The following TNRC18 variants were observed in gnomAD, a reference collection of about 807,000 sequenced individuals.
The protein encoded by TNRC18 is trinucleotide repeat containing 18.
In TNRC18, 69 loss-of-function variants were observed where a neutral mutation model predicts 226.7. That is an observed-to-expected ratio of 0.30 (90% CI 0.25 to 0.37). The LOEUF is 0.37. TNRC18 is among the 10% of genes least tolerant of loss of function. The probability of loss-of-function intolerance (pLI) is 1.00; values close to 1 mark genes in which losing one functional copy is unlikely to be tolerated. For missense variants in TNRC18, 4,754 were observed against 4,256.6 expected, an observed-to-expected ratio of 1.12 and a Z score of -3.25; for synonymous variants, 2,449 against 1,927.6, an observed-to-expected ratio of 1.27 and a Z score of -7.09.
chr7:5,327,357 ATGTG>A (rs1199087536), intron 19 of TNRC18, among the ~76,000 whole-genome samples: 1 of 147,910 alleles, frequency 6.8e-6, no homozygotes, highest in South Asian at 2.2e-4. Context: ...AAAAATATAT[ATGTG>A]TGTGTTTGTG....
Position 5,350,183 on chromosome 7 carries a change from C to T in TNRC18, c.5470+1636G>A, listed in dbSNP as rs184440897. On this transcript the variant is annotated intron_variant, in intron 17 of 29. Coordinates refer to ENST00000430969, the MANE Select transcript of TNRC18 (RefSeq NM_001080495.3). The stretch of plus-strand genomic sequence containing the variant: ...ATCGTAAACTAACCCAGCTCATCCA[C>T]GGACAGCCCGGGCAGGGGGAGGCCT... Among the ~76,000 whole-genome samples the T allele has an allele frequency of 3.1e-3, 477 of 151,812 alleles. 1 individual carries two copies. Among genetic ancestry groups the T allele is most frequent in the Non-Finnish European group, 5.3e-3 (362 of 67,910 alleles).
rs571664429 is a variant in TNRC18, at chr7:5,313,561, C to T, written c.7330G>A (p.Glu2444Lys). The T allele has an allele frequency of 2.6e-5, 42 of 1,605,646 alleles. No individual in the cohort carries two copies. In the South Asian group the frequency reaches 3.8e-4, roughly 14 times the overall value. ...RPKPKKARAAEESGAKGPRRP... is the reference protein window; with the variant it reads ...RPKPKKARAAKESGAKGPRRP... ...CGAGGGCCCTTGGCACCCGACTCCT[C>T]GGCTGCCCGCGCCTTCTTGGGCTTG... The change falls in exon 27 of 30, where the codon GAG becomes AAG. Residue 2444 changes from glutamate (E) to lysine (K), a missense_variant. Glu to Lys is a moderately conservative substitution (Grantham distance 56). Transcript: ENST00000430969.
chr7:5,363,576 C>T (rs1793303689), intron 11 of TNRC18, among the ~76,000 whole-genome samples: 1 of 152,060 alleles, frequency 6.6e-6, no homozygotes, highest in South Asian at 2.1e-4. Context: ...TGCACTCCAG[C>T]CTGGGTGACA....
chr7:5,329,678 G>A (rs1237523754), intron 19 of TNRC18, among the ~76,000 whole-genome samples: 6 of 59,178 alleles, frequency 1.0e-4, no homozygotes, highest in African/African-American at 2.7e-4. Flanking sequence ...GTGAGACTCC[G>A]TCTCAAAAAA....
At chr7:5,419,119 C>CTGGGCTTCCGAGGCTGGTGGCT (rs1309356487) in intron 2 of TNRC18, among the ~76,000 whole-genome samples, 1 of 152,256 alleles carries the variant, frequency 6.6e-6, no homozygotes, top group Admixed American at 6.5e-5. Flanking sequence ...CTACCTCCCG[C>CTGGGCTTCCGAGGCTGGTGGCT]TGGGCTTCCG....
intron 11 of TNRC18, among the ~76,000 whole-genome samples, chr7:5,366,318 CTTTTTTTTTT>C (rs202053648): frequency 1.4e-5 from 1 of 70,464 alleles, no homozygotes; most frequent in African/African-American, 6.3e-5. Flanking sequence ...CTTCTTATAT[CTTTTTTTTTT>C]TTTTTTTTTT....
intron 21 of TNRC18, 26 bp from the exon 22 acceptor site, chr7:5,321,216 G>C (rs1254132851): frequency 2.0e-6 from 3 of 1,501,764 alleles, no homozygotes; most frequent in African/African-American, 1.4e-5. Flanking sequence ...CGTGAGGCGA[G>C]GCTGGAGCCG....
chr7:5,372,626 G>A (rs1308332623), intron 10 of TNRC18, among the ~76,000 whole-genome samples: 26 of 152,162 alleles, frequency 1.7e-4, no homozygotes, highest in Admixed American at 1.4e-3. Context: ...AAGGTGGAAA[G>A]ATCACTTGAA....
intron 2 of TNRC18, among the ~76,000 whole-genome samples, chr7:5,409,079 G>T (rs974173396): frequency 6.6e-6 from 1 of 152,170 alleles, no homozygotes; most frequent in African/African-American, 2.4e-5. Flanking sequence ...AACAAGGAAA[G>T]ATCTTTTTAC....
intron 2 of TNRC18, among the ~76,000 whole-genome samples, chr7:5,396,782 CAGG>C (rs1424233315): frequency 2.6e-5 from 4 of 152,114 alleles, no homozygotes; most frequent in Non-Finnish European, 4.4e-5. Flanking sequence ...TGTGGCTTTG[CAGG>C]AGATGTGGGC....
intron 17 of TNRC18, among the ~76,000 whole-genome samples, chr7:5,346,075 G>A (rs931886124): frequency 3.9e-5 from 6 of 152,266 alleles, no homozygotes; most frequent in African/African-American, 1.4e-4. Context: ...GCTTCTGTGA[G>A]GGGCACCAAC....
intron 19 of TNRC18, among the ~76,000 whole-genome samples, chr7:5,331,306 G>C (rs1402805765): frequency 6.6e-6 from 1 of 152,154 alleles, no homozygotes; most frequent in Non-Finnish European, 1.5e-5. Context: ...CTGGCCCTCA[G>C]CTTCCTAGTG....
intron 2 of TNRC18, among the ~76,000 whole-genome samples, chr7:5,402,103 C>T (rs1241272095): frequency 6.8e-6 from 1 of 146,900 alleles, no homozygotes; most frequent in Non-Finnish European, 1.5e-5. Flanking sequence ...GGCATGAACC[C>T]GGGAGGCGGA....
intron 10 of TNRC18, among the ~76,000 whole-genome samples, chr7:5,373,851 C>T (rs958495171): frequency 6.6e-6 from 1 of 152,054 alleles, no homozygotes; most frequent in Non-Finnish European, 1.5e-5. Flanking sequence ...CCTGACACTG[C>T]CGCTGAGGAG....
intron 9 of TNRC18, among the ~76,000 whole-genome samples, chr7:5,375,727 T>C (rs1794605261): frequency 6.6e-6 from 1 of 152,086 alleles, no homozygotes; most frequent in African/African-American, 2.4e-5. Context: ...ACTCCTTCAG[T>C]GTCCAATCAC....
In TNRC18 at chr7:5,307,359, A is replaced by G. The variant is rs1786647957; in HGVS notation, c.*747T>C. 4.6e-6 allele frequency: 1 copy of G among 218,932 alleles called. No individual in the cohort carries two copies. The highest frequency in any genetic ancestry group is 9.6e-6 in the Non-Finnish European group (1 of 104,222). 13.6% of individuals were successfully genotyped at this position (218,932 alleles called of 1,614,324 possible). A position where few individuals can be genotyped will look rare whatever the true frequency, so the allele number is the denominator to read the frequency against. ...GGGGCGAGTCTCTTGGTACAATAAA[A>G]CTGTACAGGTTAAGAAGTGCCACCT... On this transcript the variant is annotated 3_prime_UTR_variant, in exon 30 of 30. Coordinates refer to ENST00000430969, the MANE Select transcript of TNRC18 (RefSeq NM_001080495.3).
At chr7:5,339,240 T>TG (rs1180776789) in intron 18 of TNRC18, among the ~76,000 whole-genome samples, 1 of 148,830 alleles carries the variant, frequency 6.7e-6, no homozygotes, top group Non-Finnish European at 1.5e-5. Context: ...TTTTTTTTTT[T>TG]GTGTTTTTTT....
chr7:5,397,834 T>C (rs993509551), intron 2 of TNRC18, among the ~76,000 whole-genome samples: 1 of 152,052 alleles, frequency 6.6e-6, no homozygotes, highest in Non-Finnish European at 1.5e-5. Context: ...TCTGCCAGCC[T>C]CCTTGTGGAT....
chr7:5,338,926 G>GA (rs778716584), intron 18 of TNRC18, among the ~76,000 whole-genome samples: 20,440 of 64,280 alleles, frequency 0.32, 2,562 homozygotes, highest in African/African-American at 0.45. Flanking sequence ...ATCTCAAAAG[G>GA]AAAAAAAAAA....
Sources: allele counts gnomAD v4.1 joint callset (sites outside exome capture counted in the v4.1 genomes callset), GRCh38; gene constraint gnomAD v4.1.1; transcripts MANE v1.5; gene names NCBI Gene and HGNC (gene_info 2026-07-23, HGNC 2026-07-21).